Variants in ZNF526 observed in about 807,000 individuals in gnomAD.
ZNF526 encodes the protein zinc finger protein 526.
ZNF526 carries 16 observed loss-of-function variants against 32.4 expected under a neutral mutation model. The observed-to-expected ratio is 0.49, with a 90% CI of 0.33 to 0.75. The LOEUF (loss-of-function observed/expected upper bound fraction) is 0.75. ZNF526 is among the 30% of genes least tolerant of loss of function. The pLI is 0.02. For missense variants in ZNF526, 838 were observed against 920.7 expected (o/e 0.91, Z 1.16); for synonymous variants, 355 against 363.4 (o/e 0.98, Z 0.26).
chr19:42,225,898 C>T lies in ZNF526; in HGVS notation c.1495C>T (p.Pro499Ser), dbSNP rs1301217402. 2 of 1,614,194 alleles carry T rather than the reference C, an allele frequency of 1.2e-6. No individual in the cohort carries two copies. The highest frequency in any genetic ancestry group is 1.7e-6 in the Non-Finnish European group (2 of 1,180,034). ...CCTGCGGACACACACGGGTGAGAGG[C>T]CCTTCCAGTGCCACTCATGTGGCAA... ...NHLRTHTGER[P>S]FQCHSCGKTF... Residue 499 changes from proline to serine, a missense_variant, in exon 3 of 3, where the codon CCC (proline) becomes TCC (serine). Pro to Ser is a moderately conservative substitution (Grantham distance 74). Transcript: ENST00000301215.
At chr19:42,224,030 A>G (rs1390706007) in intron 1 of ZNF526, among the ~76,000 whole-genome samples, 185 bp from the exon 2 acceptor site, 3 of 144,396 alleles carry the variant, frequency 2.1e-5, no homozygotes, top group Non-Finnish European at 4.5e-5. Context: ...ATGGTGGCAC[A>G]CCCCTGTAGT....
intron 1 of ZNF526, among the ~76,000 whole-genome samples, chr19:42,223,811 A>C (rs2036144630): frequency 8.5e-6 from 1 of 118,192 alleles, no homozygotes; most frequent in South Asian, 3.3e-4. Context: ...GCAAGAGTCC[A>C]TCTCAAAAAA....
In ZNF526 at chr19:42,224,483, C is replaced by G; in HGVS notation, c.80C>G (p.Ser27Trp). 6.2e-7 allele frequency: 1 copy of G among 1,614,180 alleles called. No individual in the cohort carries two copies. Among genetic ancestry groups the G allele is most frequent in the Non-Finnish European group, 8.5e-7 (1 of 1,180,028 alleles). ...GCAGTGGAGATGTCAACACCTATGTCGGCAGAGATGATGGAGATGTCAACA... is the reference window on the plus strand; with the variant it reads ...GCAGTGGAGATGTCAACACCTATGTGGGCAGAGATGATGGAGATGTCAACA... ...PGAVEMSTPM[S>W]AEMMEMSTEV... is the part of the protein sequence containing the mutation. Residue 27 changes from serine (S) to tryptophan (W), a missense_variant, in exon 3 of 3, where the codon TCG becomes TGG. Ser to Trp is a radical substitution (Grantham distance 177, BLOSUM62 -3). Transcript: ENST00000301215.
Position 42,226,495 on chromosome 19 carries a change from G to A in ZNF526, c.*79G>A. On this transcript the variant is annotated 3_prime_UTR_variant, in exon 3 of 3. Transcript: ENST00000301215. ...CCTCTGGGGAGAGAGGACCTCCTCT[G>A]ACAAACTGGTCTGGTACCCACCATG... 1.9e-6 allele frequency: 3 copies of A among 1,598,916 alleles called. No homozygotes were observed. Among genetic ancestry groups the A allele is most frequent in the Non-Finnish European group, 2.6e-6 (3 of 1,167,746 alleles).
chr19:42,226,007 A>G lies in ZNF526; in HGVS notation c.1604A>G (p.Lys535Arg). The G allele has an allele frequency of 6.2e-7, 1 of 1,613,678 alleles. No homozygotes were observed. The highest frequency in any genetic ancestry group is 8.5e-7 in the Non-Finnish European group (1 of 1,180,020). The change falls in exon 3 of 3, where the codon AAG becomes AGG. Residue 535 changes from lysine to arginine, a missense_variant. Transcript: ENST00000301215. ...CCCTACCAATGCCTGGACTGTGGCA[A>G]GCGCTTCACACAGAGCTCCAACCTG... Reference protein sequence around the residue: ...ARPYQCLDCGKRFTQSSNLQQ... With the variant: ...ARPYQCLDCGRRFTQSSNLQQ...
At position 42,225,588 on chromosome 19, in the gene ZNF526, G is replaced by A. The variant is rs989036148; in HGVS notation, c.1185G>A (p.Thr395=). The change falls in exon 3 of 3, where the codon ACG becomes ACA. Residue 395 remains threonine, a synonymous_variant. Transcript: ENST00000301215. ...NPLHRCRCGK[T]FSNMTKFLYH... is the part of the protein sequence containing the mutation. ...TGCATCGCTGTCGTTGCGGCAAGAC[G>A]TTCAGCAACATGACCAAGTTCCTCT... The A allele has an allele frequency of 6.2e-6, 10 of 1,608,650 alleles. No individual in the cohort carries two copies. Among genetic ancestry groups the A allele is most frequent in the Admixed American group, 5.0e-5 (3 of 59,862 alleles).
In ZNF526 at chr19:42,225,547, C is replaced by T. The variant is rs2036167974; in HGVS notation, c.1144C>T (p.His382Tyr). 1 of 1,611,360 alleles carries T rather than the reference C, an allele frequency of 6.2e-7. No individual in the cohort carries two copies. Among genetic ancestry groups the T allele is most frequent in the East Asian group, 2.2e-5 (1 of 44,796 alleles). Residue 382 changes from histidine (H) to tyrosine (Y), a missense_variant, in exon 3 of 3, where the codon CAC (histidine) becomes TAC (tyrosine). By Grantham distance (83) the His-to-Tyr change is moderately conservative. Transcript: ENST00000301215. ...ELTLVAHRRA[H>Y]TANPLHRCRC... ...CACGTTGGTGGCTCACCGGCGGGCC[C>T]ACACTGCCAACCCATTGCATCGCTG...
In ZNF526 at chr19:42,223,857, G is replaced by A. The variant is rs914772691; in HGVS notation, c.-108-358G>A. Among the ~76,000 whole-genome samples the A allele has an allele frequency of 2.7e-5, 4 of 147,638 alleles. No homozygotes were observed. The South Asian group carries it at 6.5e-4, about 24-fold the overall frequency. Reference sequence around the variant, plus strand: ...AAAAAAAGAGGCCGGGCTGTTGGCCGGGGTGGTGGCTCACATCTGTAATCC... The same window carrying A: ...AAAAAAAGAGGCCGGGCTGTTGGCCAGGGTGGTGGCTCACATCTGTAATCC... On this transcript the variant is annotated intron_variant, in intron 1 of 2. Coordinates refer to ENST00000301215, the MANE Select transcript of ZNF526 (RefSeq NM_133444.3).
At position 42,226,691 on chromosome 19, in the gene ZNF526, C is replaced by T. The variant is rs749853624; in HGVS notation, c.*275C>T. ...AAAGTGGGTTGGCCAAGGCCCTTTG[C>T]ACTGCATCACCCTGGTGCCCAGCAA... is the stretch of plus-strand genomic sequence containing the variant. On this transcript the variant is annotated 3_prime_UTR_variant, in exon 3 of 3. Coordinates refer to ENST00000301215, the MANE Select transcript of ZNF526 (RefSeq NM_133444.3). 144 of 554,040 alleles carry T rather than the reference C, an allele frequency of 2.6e-4. No individual in the cohort carries two copies. The highest frequency in any genetic ancestry group is 4.6e-4 in the Non-Finnish European group (137 of 296,916). The allele number at this position is 554,040 out of a possible 1,614,324, so 34.3% of individuals were successfully genotyped here. A position where few individuals can be genotyped will look rare whatever the true frequency, so the allele number is the denominator to read the frequency against.
chr19:42,226,193 G>C lies in ZNF526; in HGVS notation c.1790G>C (p.Arg597Pro), dbSNP rs371341318. Residue 597 changes from arginine (R) to proline (P), a missense_variant, in exon 3 of 3, where the codon CGA (arginine) becomes CCA (proline). Transcript: ENST00000301215. ...GLRLHQRVHA[R>P]ARTLTLQPPR... Reference sequence around the variant, plus strand: ...CGACTGCATCAGCGGGTCCATGCCCGAGCTCGGACTTTGACGCTACAGCCT... The same window carrying C: ...CGACTGCATCAGCGGGTCCATGCCCCAGCTCGGACTTTGACGCTACAGCCT... 1.9e-6 allele frequency: 3 copies of C among 1,609,614 alleles called. No individual in the cohort carries two copies. In the East Asian group the frequency reaches 6.7e-5, roughly 36 times the overall value.
At chr19:42,223,974 A>AATATATATATATATATATATATAT (rs35211089) in intron 1 of ZNF526, among the ~76,000 whole-genome samples, 250 of 110,550 alleles carry the variant, frequency 2.3e-3, no homozygotes, top group Non-Finnish European at 3.5e-3. Context: ...TCTCTACTAA[A>AATATATATATATATATATATATAT]ATATATATAT....
chr19:42,225,727 C>T lies in ZNF526; in HGVS notation c.1324C>T (p.Leu442=), dbSNP rs2036171167. The part of the protein sequence containing the change: ...PPPPPAPPAQ[L]PCPQCSKSFA... ...ACCACCCCCTGCCCCACCTGCCCAGCTGCCCTGCCCACAGTGCTCCAAGTC... is the reference window on the plus strand; with the variant it reads ...ACCACCCCCTGCCCCACCTGCCCAGTTGCCCTGCCCACAGTGCTCCAAGTC... Residue 442 remains leucine, a synonymous_variant, in exon 3 of 3, where the codon CTG becomes TTG. Coordinates refer to ENST00000301215, the MANE Select transcript of ZNF526 (RefSeq NM_133444.3). 1 of 1,612,602 alleles carries T rather than the reference C, an allele frequency of 6.2e-7. No homozygotes were observed. The highest frequency in any genetic ancestry group is 1.3e-5 in the African/African-American group (1 of 74,976).
intron 1 of ZNF526, among the ~76,000 whole-genome samples, chr19:42,222,271 G>T (rs537044515): frequency 6.6e-6 from 1 of 151,962 alleles, no homozygotes. Flanking sequence ...ATTTTTTTTA[G>T]TAGAGACGGG....
Position 42,225,187 on chromosome 19 carries a change from G to T in ZNF526, c.784G>T (p.Val262Leu). 7.4e-6 allele frequency: 12 copies of T among 1,614,222 alleles called. No individual in the cohort carries two copies. Among genetic ancestry groups the T allele is most frequent in the Non-Finnish European group, 1.0e-5 (12 of 1,180,020 alleles). ...EAMAEVGDDAVGGDESTAGWA... is the reference protein window; with the variant it reads ...EAMAEVGDDALGGDESTAGWA... The stretch of plus-strand genomic sequence containing the variant: ...CATGGCAGAGGTCGGTGATGATGCT[G>T]TGGGAGGTGACGAGTCCACAGCTGG... Residue 262 changes from valine (V) to leucine (L), a missense_variant, in exon 3 of 3, where the codon GTG (valine) becomes TTG (leucine). By Grantham distance (32) the Val-to-Leu change is conservative. Transcript: ENST00000301215.
In ZNF526 at chr19:42,224,450, C is replaced by G. The variant is rs1394553795; in HGVS notation, c.47C>G (p.Ser16Ter). The G allele has an allele frequency of 6.2e-7, 1 of 1,614,054 alleles. No individual in the cohort carries two copies. The highest frequency in any genetic ancestry group is 8.5e-7 in the Non-Finnish European group (1 of 1,180,044). ...GTGGCCGAGATGCCAACACAGATGTCACCAGGGGCAGTGGAGATGTCAACA... is the reference window on the plus strand; with the variant it reads ...GTGGCCGAGATGCCAACACAGATGTGACCAGGGGCAGTGGAGATGTCAACA... ...AEVAEMPTQM[S>*]PGAVEMSTPM... Residue 16 changes from serine to a stop codon, truncating the protein, a stop_gained, in exon 3 of 3, where the codon TCA becomes TGA. Coordinates refer to ENST00000301215, the MANE Select transcript of ZNF526 (RefSeq NM_133444.3). LOFTEE classifies it low-confidence loss of function (END_TRUNC).
chr19:42,224,002 T>TATATATATATATATATATAC (rs1491246187), intron 1 of ZNF526, among the ~76,000 whole-genome samples: 1 of 126,240 alleles, frequency 7.9e-6, no homozygotes, highest in Non-Finnish European at 1.7e-5. Context: ...TATATATATA[T>TATATATATATATATATATAC]ACAAAAATTA....
At chr19:42,222,310 G>A (rs893082890) in intron 1 of ZNF526, among the ~76,000 whole-genome samples, 2 of 151,946 alleles carry the variant, frequency 1.3e-5, no homozygotes, top group Non-Finnish European at 1.5e-5. Context: ...GCATGGTCTC[G>A]ATCTCTTGAC....
rs774637970 is a variant in ZNF526 at position 42,225,193 on chromosome 19, G to A, written c.790G>A (p.Gly264Ser). Reference protein sequence around the residue: ...MAEVGDDAVGGDESTAGWAQG... With the variant: ...MAEVGDDAVGSDESTAGWAQG... ...AGAGGTCGGTGATGATGCTGTGGGA[G>A]GTGACGAGTCCACAGCTGGCTGGGC... Residue 264 changes from glycine to serine, a missense_variant, in exon 3 of 3, where the codon GGT becomes AGT. Physicochemically the swap from Gly to Ser is moderately conservative, Grantham distance 56. Transcript: ENST00000301215. 2.5e-6 allele frequency: 4 copies of A among 1,614,094 alleles called. No homozygotes were observed. In the Admixed American group the frequency reaches 6.7e-5, roughly 27 times the overall value.
rs773801686 is a variant in ZNF526, at chr19:42,226,504, G to T, written c.*88G>T. 2 of 1,582,424 alleles carry T rather than the reference G, an allele frequency of 1.3e-6. No homozygotes were observed. The highest frequency in any genetic ancestry group is 2.7e-5 in the African/African-American group (2 of 74,328). Reference sequence around the variant, plus strand: ...AGAGAGGACCTCCTCTGACAAACTGGTCTGGTACCCACCATGTGCCAGGAT... The same window carrying T: ...AGAGAGGACCTCCTCTGACAAACTGTTCTGGTACCCACCATGTGCCAGGAT... On this transcript the variant is annotated 3_prime_UTR_variant, in exon 3 of 3. Transcript: ENST00000301215.
Sources: gnomAD v4.1 joint callset for allele counts (sites outside exome capture counted in the v4.1 genomes callset) on GRCh38, gnomAD v4.1.1 for gene constraint, MANE v1.5 for transcripts, NCBI Gene and HGNC (gene_info 2026-07-23, HGNC 2026-07-21) for gene names.